Variants in MSANTD3 observed in about 807,000 individuals in gnomAD.
MSANTD3 encodes the protein Myb/SANT DNA binding domain containing 3, also known as myb/SANT-like DNA-binding domain-containing protein 3.
A neutral mutation model predicts 27.7 loss-of-function variants in MSANTD3; 11 were observed. That is an observed-to-expected ratio of 0.40 (90% CI 0.25 to 0.66). MSANTD3 has a LOEUF of 0.66. Among genes scored for constraint, MSANTD3 ranks in the 30% least tolerant of loss-of-function variants. MSANTD3 has a pLI of 0.41. For synonymous variants in MSANTD3, 131 were observed against 127.2 expected, an observed-to-expected ratio of 1.03 and a Z score of -0.20; for missense variants, 250 against 336.5, an observed-to-expected ratio of 0.74 and a Z score of 2.01.
In MSANTD3 at chr9:100,427,158, G is replaced by T. The variant is rs1380204121; in HGVS notation, c.-269G>T. On this transcript the variant is annotated 5_prime_UTR_variant, in exon 1 of 3. Coordinates refer to ENST00000395067, the MANE Select transcript of MSANTD3 (RefSeq NM_080655.3). ...TCCCGCCCTCCTCGGCGGCGCCGAC[G>T]GACCGGCAGGCGGCGGGCGGTCCGC... 1.4e-5 allele frequency: 2 copies of T among 147,896 alleles called. No homozygotes were observed. Among genetic ancestry groups the T allele is most frequent in the African/African-American group, 2.4e-5 (1 of 40,944 alleles). The allele number at this position is 147,896 out of a possible 1,614,324, so 9.2% of individuals were successfully genotyped here. A position where few individuals can be genotyped will look rare whatever the true frequency, so the allele number is the denominator to read the frequency against.
intron 1 of MSANTD3, among the ~76,000 whole-genome samples, chr9:100,440,117 A>G (rs757876630): frequency 3.9e-5 from 6 of 152,160 alleles, no homozygotes; most frequent in Non-Finnish European, 8.8e-5. Flanking sequence ...CATACACTTC[A>G]CTGGAAGAAG....
At position 100,445,335 on chromosome 9, in the gene MSANTD3, G is replaced by A. The variant is rs1193364423; in HGVS notation, c.418+2979G>A. ...ATCTTTCTATTTCTAACACTGTGCT[G>A]TCTAATACAGTTGTCACAAGCCACA... On this transcript the variant is annotated intron_variant, in intron 2 of 2. Transcript: ENST00000395067. The A allele has an allele frequency of 1.0e-4, 75 of 740,396 alleles. 2 individuals carry two copies. The Admixed American group carries it at 1.8e-3, about 18-fold the overall frequency. The allele number at this position is 740,396 out of a possible 1,614,324, so 45.9% of individuals were successfully genotyped here. A position where few individuals can be genotyped will look rare whatever the true frequency, so the allele number is the denominator to read the frequency against.
chr9:100,443,430 T>C (rs948053957), intron 2 of MSANTD3, among the ~76,000 whole-genome samples: 4 of 151,980 alleles, frequency 2.6e-5, no homozygotes, highest in Admixed American at 2.0e-4. Context: ...TTTCAAACTT[T>C]AAAAAAAGTG....
chr9:100,450,217 C>T (rs1296997083), intron 2 of MSANTD3, among the ~76,000 whole-genome samples: 4 of 152,206 alleles, frequency 2.6e-5, no homozygotes, highest in Admixed American at 6.5e-5. Context: ...TGTGGTCCTA[C>T]GCTCATCAGA....
intron 1 of MSANTD3, among the ~76,000 whole-genome samples, chr9:100,427,909 A>C (rs553000685): frequency 3.3e-5 from 5 of 151,684 alleles, no homozygotes; most frequent in African/African-American, 1.2e-4. Flanking sequence ...CTTTACTCCG[A>C]GCCGGGGCTA....
chr9:100,441,498 G>A (rs1373835023), intron 1 of MSANTD3, among the ~76,000 whole-genome samples: 1 of 152,004 alleles, frequency 6.6e-6, no homozygotes, highest in Non-Finnish European at 1.5e-5. Flanking sequence ...AATTAGCCGG[G>A]CGTGGTGACA....
intron 1 of MSANTD3, among the ~76,000 whole-genome samples, chr9:100,438,129 C>T (rs1305629195): frequency 2.6e-5 from 4 of 152,148 alleles, no homozygotes; most frequent in South Asian, 2.1e-4. Flanking sequence ...TAATTTCAGT[C>T]CCACCAAGGA....
chr9:100,433,408 C>T (rs1462742166), intron 1 of MSANTD3, among the ~76,000 whole-genome samples: 3 of 152,052 alleles, frequency 2.0e-5, no homozygotes, highest in African/African-American at 4.8e-5. Flanking sequence ...CTTGCTCTGT[C>T]ACCCTGGCTG....
In MSANTD3 at chr9:100,442,128, C is replaced by G; in HGVS notation, c.190C>G (p.Leu64Val). The change falls in exon 2 of 3, where the codon CTG becomes GTG. Residue 64 changes from leucine to valine, a missense_variant. Around this residue, in one of 3 missense-constraint regions of MSANTD3, gnomAD observed 235 missense variants for 299.3 expected, o/e 0.79. Coordinates refer to ENST00000395067, the MANE Select transcript of MSANTD3 (RefSeq NM_080655.3). ...HEYNSQPSVS[L>V]RDFKQLKKCW... The stretch of plus-strand genomic sequence containing the variant: ...ATACAACTCTCAGCCCAGCGTGTCC[C>G]TGCGGGATTTCAAACAGCTGAAGAA... The G allele has an allele frequency of 6.2e-7, 1 of 1,614,208 alleles. No homozygotes were observed. Among genetic ancestry groups the G allele is most frequent in the Non-Finnish European group, 8.5e-7 (1 of 1,180,026 alleles).
rs962401870 is a variant in MSANTD3 at position 100,451,675 on chromosome 9, C to T, written c.*709C>T. 2 of 146,080 alleles carry T rather than the reference C, an allele frequency of 1.4e-5. No homozygotes were observed. The highest frequency in any genetic ancestry group is 2.5e-5 in the African/African-American group (1 of 39,320). 9.0% of individuals were successfully genotyped at this position (146,080 alleles called of 1,614,324 possible). On this transcript the variant is annotated 3_prime_UTR_variant, in exon 3 of 3. Coordinates refer to ENST00000395067, the MANE Select transcript of MSANTD3 (RefSeq NM_080655.3). ...GTAACTACTTTGAGGAAGAAATGTTCGTTTAGATTTCTACATTCTGTTATG... is the reference window on the plus strand; with the variant it reads ...GTAACTACTTTGAGGAAGAAATGTTTGTTTAGATTTCTACATTCTGTTATG...
chr9:100,446,259 G>T (rs1262017397), intron 2 of MSANTD3, among the ~76,000 whole-genome samples: 1 of 152,050 alleles, frequency 6.6e-6, no homozygotes, highest in Non-Finnish European at 1.5e-5. Flanking sequence ...AATCTTTGGG[G>T]GTGAGATCTC....
At chr9:100,443,156 T>C (rs1490568198) in intron 2 of MSANTD3, among the ~76,000 whole-genome samples, 1 of 152,098 alleles carries the variant, frequency 6.6e-6, no homozygotes, top group African/African-American at 2.4e-5. Flanking sequence ...TCCCAGCACT[T>C]TGGGAGGCTG....
At chr9:100,431,714 GC>G (rs1255016518) in intron 1 of MSANTD3, among the ~76,000 whole-genome samples, 1 of 152,180 alleles carries the variant, frequency 6.6e-6, no homozygotes, top group Non-Finnish European at 1.5e-5. Flanking sequence ...GATAGGGAGA[GC>G]CTTCAGGATA....
chr9:100,431,009 T>C (rs1182450156), intron 1 of MSANTD3, among the ~76,000 whole-genome samples: 2 of 151,804 alleles, frequency 1.3e-5, no homozygotes, highest in African/African-American at 4.8e-5. Context: ...TTTCTTTTTT[T>C]TTTTGTTTTT....
At chr9:100,439,290 G>A (rs1836547408) in intron 1 of MSANTD3, among the ~76,000 whole-genome samples, 1 of 152,070 alleles carries the variant, frequency 6.6e-6, no homozygotes. Flanking sequence ...CCCTTCCCAG[G>A]CATAGTGCGT....
chr9:100,447,008 A>G (rs1309237064), intron 2 of MSANTD3, among the ~76,000 whole-genome samples: 1 of 152,004 alleles, frequency 6.6e-6, no homozygotes, highest in Non-Finnish European at 1.5e-5. Flanking sequence ...TTTTGCTGTC[A>G]TAGTAGGCTT....
At chr9:100,447,032 TA>T (rs988887185) in intron 2 of MSANTD3, among the ~76,000 whole-genome samples, 1 of 152,150 alleles carries the variant, frequency 6.6e-6, no homozygotes, top group African/African-American at 2.4e-5. Flanking sequence ...CTGCTGATAT[TA>T]AACTTACTCC....
chr9:100,450,590 A>G lies in MSANTD3; in HGVS notation c.452A>G (p.Asp151Gly), dbSNP rs747695478. 6.3e-7 allele frequency: 1 copy of G among 1,590,668 alleles called. No individual in the cohort carries two copies. The highest frequency in any genetic ancestry group is 8.5e-7 in the Non-Finnish European group (1 of 1,171,744). ...GCTGTTTCAAATAGAGAACTGTGCG[A>G]TGATGAGAAAGAGTTCATACATTTT... ...SFAVSNRELC[D>G]DEKEFIHFPV... Residue 151 changes from aspartate to glycine, a missense_variant, in exon 3 of 3, where the codon GAT becomes GGT. Coordinates refer to ENST00000395067, the MANE Select transcript of MSANTD3 (RefSeq NM_080655.3).
In MSANTD3 at chr9:100,450,645, AC is replaced by A; in HGVS notation, c.510del (p.Ser171ArgfsTer7). 6.2e-7 allele frequency: 1 copy of A among 1,614,054 alleles called. No individual in the cohort carries two copies. The highest frequency in any genetic ancestry group is 8.5e-7 in the Non-Finnish European group (1 of 1,179,998). Reference sequence around the variant, plus strand: ...TATGTGAGGGGACCTCTCAACCTGAACCCTCGTGTTCAGCTGTCAGAATAAC... The same window carrying A: ...TATGTGAGGGGACCTCTCAACCTGAACCTCGTGTTCAGCTGTCAGAATAAC... ...PVCEGTSQPE[P>X]SCSAVRITAN... On this transcript the variant is annotated frameshift_variant, in exon 3 of 3. Coordinates refer to ENST00000395067, the MANE Select transcript of MSANTD3 (RefSeq NM_080655.3). LOFTEE classifies it high-confidence loss of function.
Sources: allele counts gnomAD v4.1 joint callset (sites outside exome capture counted in the v4.1 genomes callset), GRCh38; gene constraint gnomAD v4.1.1; regional missense constraint gnomAD v4.1.1; transcripts MANE v1.5; gene names NCBI Gene and HGNC (gene_info 2026-07-23, HGNC 2026-07-21).